Variants in PWWP2A observed in about 807,000 individuals in gnomAD.
PWWP2A encodes PWWP domain-containing protein 2A.
A neutral mutation model predicts 48.5 loss-of-function variants in PWWP2A; 18 were observed. The observed-to-expected ratio is 0.37, with a 90% CI of 0.26 to 0.55. The LOEUF (loss-of-function observed/expected upper bound fraction) is 0.55, where lower values mean the gene tolerates loss of function less well. PWWP2A is among the 20% of genes least tolerant of loss of function. The pLI is 0.81. For missense variants in PWWP2A, 867 were observed against 976.4 expected (o/e 0.89, Z 1.49); for synonymous variants, 396 against 387.7 (o/e 1.02, Z -0.25).
At position 160,119,096 on chromosome 5, in the gene PWWP2A, C is replaced by A. The variant is rs764103714; in HGVS notation, c.293G>T (p.Arg98Leu). 1.4e-5 allele frequency: 22 copies of A among 1,588,354 alleles called. No homozygotes were observed. Among genetic ancestry groups the A allele is most frequent in the Non-Finnish European group, 1.9e-5 (22 of 1,176,184 alleles). ...CGCGGCTGCCGCCGACTCCGCCACC[C>A]GAACGGACAGTTTCTCCTCAGCCTC... is the stretch of plus-strand genomic sequence containing the variant. ...ELEAEEKLSVRVAESAAAAPQ... is the reference protein window; with the variant it reads ...ELEAEEKLSVLVAESAAAAPQ... Residue 98 changes from arginine to leucine, a missense_variant, in exon 1 of 2, where the codon CGG (arginine) becomes CTG (leucine). Coordinates refer to ENST00000307063, the MANE Select transcript of PWWP2A (RefSeq NM_001130864.2).
intron 1 of PWWP2A, among the ~76,000 whole-genome samples, chr5:160,111,499 C>T (rs1056421450): frequency 6.6e-6 from 1 of 151,620 alleles, no homozygotes; most frequent in Admixed American, 6.6e-5. Flanking sequence ...CCAGGCACAG[C>T]GGCATGAGAT....
At chr5:160,097,336 CAAAAAAAAAAA>C (rs70987999) in intron 1 of PWWP2A, among the ~76,000 whole-genome samples, 1 of 34,392 alleles carries the variant, frequency 2.9e-5, no homozygotes, top group Admixed American at 3.0e-4. Flanking sequence ...GCCTTTGTCT[CAAAAAAAAAAA>C]AAAAAAAAAA....
downstream of PWWP2A, chr5:160,091,009 G>A (rs545293779): frequency 3.8e-5 from 37 of 985,108 alleles, no homozygotes; most frequent in African/African-American, 3.5e-4. Flanking sequence ...AGAAGAGACC[G>A]GTTGTAATTA....
chr5:160,072,871 G>A (rs943767602), downstream of PWWP2A, among the ~76,000 whole-genome samples: 50 of 152,040 alleles, frequency 3.3e-4, no homozygotes, highest in African/African-American at 1.2e-3. Context: ...AGGCATGATG[G>A]CAGGTGCCTG....
intron 1 of PWWP2A, among the ~76,000 whole-genome samples, chr5:160,097,002 T>C (rs1042306661): frequency 1.3e-5 from 2 of 152,228 alleles, no homozygotes; most frequent in Non-Finnish European, 2.9e-5. Context: ...ATTTACTTTA[T>C]TTAATTTGCT....
At chr5:160,049,923 C>T in the PWWP2A span, among the ~76,000 whole-genome samples, 15 of 151,798 alleles carry the variant, frequency 9.9e-5, no homozygotes, top group Non-Finnish European at 1.8e-4. Flanking sequence ...TCTAAAAATA[C>T]AAAAAATTAG....
At chr5:160,089,394 CA>C, downstream of PWWP2A, 1 of 385,346 alleles carries the variant, frequency 2.6e-6, no homozygotes, top group Middle Eastern at 7.2e-4. Flanking sequence ...GCAGAGATGG[CA>C]GCGGGGACGG....
chr5:160,095,684 TTC>T (rs1419511871), intron 1 of PWWP2A, among the ~76,000 whole-genome samples: 8 of 122,194 alleles, frequency 6.5e-5, no homozygotes, highest in African/African-American at 1.9e-4. Context: ...CTCCGAAATG[TTC>T]TTTTTTTTTT....
At chr5:160,086,035 C>A (rs1331693090) in intron 2 of PWWP2A, among the ~76,000 whole-genome samples, 1 of 150,210 alleles carries the variant, frequency 6.7e-6, no homozygotes, top group Non-Finnish European at 1.5e-5. Flanking sequence ...GCCACGCTGG[C>A]CTTGAACTCC....
At position 160,069,533 on chromosome 5, in the gene PWWP2A, AGTGAATC is replaced by A. The variant is rs553539153; in HGVS notation, c.*80-2669_*80-2663del. ...GAGGGCTCAGCTAGGGTTTCTCAAC[AGTGAATC>A]CAGTAATCATACCCATGAAGCTCAA... is the stretch of plus-strand genomic sequence containing the variant. On this transcript the variant is annotated intron_variant and NMD_transcript_variant, in intron 2 of 5. Coordinates refer to the PWWP2A transcript ENST00000524050. Among the ~76,000 whole-genome samples the A allele has an allele frequency of 3.7e-3, 569 of 152,270 alleles. 9 individuals carry two copies. The highest frequency in any genetic ancestry group is 6.0e-3 in the Non-Finnish European group (405 of 68,026).
intron 1 of PWWP2A, among the ~76,000 whole-genome samples, chr5:160,099,883 CT>C (rs1756083096): frequency 2.0e-5 from 3 of 151,504 alleles, no homozygotes; most frequent in Non-Finnish European, 4.4e-5. Flanking sequence ...CCAGGCTGGT[CT>C]CAAACTCTTG....
intron 1 of PWWP2A, among the ~76,000 whole-genome samples, chr5:160,108,016 G>A (rs1323152604): frequency 6.6e-6 from 1 of 150,960 alleles, no homozygotes; most frequent in Non-Finnish European, 1.5e-5. Context: ...TAAAAAAAAA[G>A]GAAACCCCAA....
chr5:160,045,497 CACACACACACACACACAT>C, the PWWP2A span, among the ~76,000 whole-genome samples: 8 of 114,902 alleles, frequency 7.0e-5, no homozygotes, highest in South Asian at 3.1e-4. Context: ...CACACACACA[CACACACACACACACACAT>C]ACACACTCTC....
At chr5:160,049,504 CT>C in the PWWP2A span, 1 of 1,550,528 alleles carries the variant, frequency 6.4e-7, no homozygotes, top group Non-Finnish European at 8.7e-7. Flanking sequence ...TATTTCTTCT[CT>C]TTTTACAGCA....
chr5:160,095,047 C>CAAA (rs70987998), intron 1 of PWWP2A, among the ~76,000 whole-genome samples: 551 of 30,866 alleles, frequency 0.018, 174 homozygotes, highest in African/African-American at 0.061. Context: ...GACTCTGTCT[C>CAAA]AAAAAAAAAA....
intron 1 of PWWP2A, among the ~76,000 whole-genome samples, chr5:160,111,853 G>A (rs1184274228): frequency 6.6e-6 from 1 of 152,104 alleles, no homozygotes; most frequent in Non-Finnish European, 1.5e-5. Context: ...AACTAAGAGA[G>A]CTGGGTATAA....
intron 1 of PWWP2A, among the ~76,000 whole-genome samples, chr5:160,094,273 C>G (rs1392193715): frequency 9.2e-5 from 14 of 152,284 alleles, no homozygotes; most frequent in Admixed American, 8.5e-4. Context: ...TTGGTAAAAA[C>G]AAACAGCTGC....
At chr5:160,046,103 C>T in the PWWP2A span, among the ~76,000 whole-genome samples, 11 of 152,252 alleles carry the variant, frequency 7.2e-5, no homozygotes, top group Middle Eastern at 0.01. Context: ...ATTGCTGTAC[C>T]ATTTATCTGA....
chr5:160,075,831 A>AG (rs1323838388), downstream of PWWP2A: 2 of 140,550 alleles, frequency 1.4e-5, no homozygotes, highest in Non-Finnish European at 3.1e-5. Flanking sequence ...AAAAAAAAAA[A>AG]TCTTTAAAAA....
Sources: gnomAD v4.1 joint callset for allele counts (sites outside exome capture counted in the v4.1 genomes callset) on GRCh38, gnomAD v4.1.1 for gene constraint, MANE v1.5 for transcripts, NCBI Gene and HGNC (gene_info 2026-07-23, HGNC 2026-07-21) for gene names.